Variants in TSHZ2 observed in about 807,000 individuals in gnomAD.
TSHZ2 encodes teashirt homolog 2.
Under a neutral mutation model 74.4 loss-of-function variants are expected in TSHZ2, and 21 were observed. The ratio of observed to expected loss-of-function variants is 0.28; its 90% CI spans 0.20 to 0.41. The LOEUF (loss-of-function observed/expected upper bound fraction) is 0.41, where lower values mean the gene tolerates loss of function less well. Among genes scored for constraint, TSHZ2 ranks in the 10% least tolerant of loss-of-function variants. The pLI, the probability that TSHZ2 is intolerant of heterozygous loss-of-function variation, is 1.00. For missense variants in TSHZ2, 1,244 were observed against 1,293.5 expected (o/e 0.96, Z 0.59); for synonymous variants, 540 against 515.3 (o/e 1.05, Z -0.65).
chr20:53,237,572 C>G (rs560195750), intron 1 of TSHZ2, among the ~76,000 whole-genome samples: 1 of 151,746 alleles, frequency 6.6e-6, no homozygotes, highest in East Asian at 1.9e-4. Context: ...AAAATATAGA[C>G]AAAAAAAGAT....
chr20:53,270,881 G>C (rs562802627), intron 2 of TSHZ2, among the ~76,000 whole-genome samples: 8 of 152,112 alleles, frequency 5.3e-5, no homozygotes, highest in Non-Finnish European at 1.0e-4. Flanking sequence ...TTGTTCACCA[G>C]AGGATTTTGT....
At chr20:53,059,869 G>A (rs990960720) in intron 1 of TSHZ2, among the ~76,000 whole-genome samples, 5 of 152,134 alleles carry the variant, frequency 3.3e-5, no homozygotes, top group Admixed American at 6.5e-5. Context: ...ATACCCAGTC[G>A]TTCAAAATTT....
intron 1 of TSHZ2, among the ~76,000 whole-genome samples, chr20:53,079,410 T>C (rs961127056): frequency 1.3e-5 from 2 of 152,250 alleles, no homozygotes; most frequent in African/African-American, 2.4e-5. Context: ...GACAGTGACA[T>C]GTTCACACTG....
chr20:53,226,105 C>T (rs1989678139), intron 1 of TSHZ2, among the ~76,000 whole-genome samples: 1 of 148,836 alleles, frequency 6.7e-6, no homozygotes, highest in Non-Finnish European at 1.5e-5. Flanking sequence ...GAAGATGGCT[C>T]ACAGACTAAA....
intron 1 of TSHZ2, among the ~76,000 whole-genome samples, chr20:53,197,383 A>G (rs1275352735): frequency 6.6e-6 from 1 of 152,184 alleles, no homozygotes. Context: ...CGTGCAAAGG[A>G]GAAGACTTTT....
intron 2 of TSHZ2, among the ~76,000 whole-genome samples, chr20:53,351,642 G>A (rs955495435): frequency 3.3e-5 from 5 of 152,146 alleles, no homozygotes; most frequent in Admixed American, 6.5e-5. Flanking sequence ...ACTAACCTAG[G>A]TACAGCTTGT....
rs1206858045 is a variant in TSHZ2 at position 53,074,213 on chromosome 20, A to G, written c.40+100880A>G. On this transcript the variant is annotated intron_variant, in intron 1 of 2. Transcript: ENST00000371497. This position sits in a 1 kb window ranked among gnomAD's most constrained non-coding sequence, Gnocchi z 5.9. The stretch of plus-strand genomic sequence containing the variant: ...GACCACTCCCTTGTGAAGTTAGAGG[A>G]TTCTTCCTTTGAGTAAGAAGTTAAA... Among the ~76,000 whole-genome samples, 1 of 152,224 alleles carries G rather than the reference A, an allele frequency of 6.6e-6. No individual in the cohort carries two copies. The highest frequency in any genetic ancestry group is 2.4e-5 in the African/African-American group (1 of 41,460).
chr20:53,092,708 A>G (rs1157670889), intron 1 of TSHZ2, among the ~76,000 whole-genome samples: 1 of 152,242 alleles, frequency 6.6e-6, no homozygotes, highest in East Asian at 1.9e-4. Flanking sequence ...GAAAGGATCT[A>G]AGAAGCAGTT....
At chr20:53,370,865 C>A (rs1359947304) in intron 2 of TSHZ2, among the ~76,000 whole-genome samples, 1 of 152,188 alleles carries the variant, frequency 6.6e-6, no homozygotes, top group Non-Finnish European at 1.5e-5. Flanking sequence ...TAACAAATTA[C>A]TACAAACTCA....
chr20:53,169,847 A>G (rs997087305), intron 1 of TSHZ2, among the ~76,000 whole-genome samples: 7 of 152,242 alleles, frequency 4.6e-5, no homozygotes, highest in African/African-American at 7.2e-5. Context: ...TGTATATTAT[A>G]CTTATGTAAA....
At chr20:53,129,567 A>G (rs1181826577) in intron 1 of TSHZ2, among the ~76,000 whole-genome samples, 2 of 152,188 alleles carry the variant, frequency 1.3e-5, no homozygotes, top group Non-Finnish European at 2.9e-5. Flanking sequence ...GTTGGATAAT[A>G]TTGTTATTAC....
At chr20:53,337,168 G>T (rs6097367) in intron 2 of TSHZ2, among the ~76,000 whole-genome samples, 3 of 152,182 alleles carry the variant, frequency 2.0e-5, no homozygotes, top group Non-Finnish European at 4.4e-5. Context: ...GTCTTCCTCA[G>T]GAAAAGCTCC....
chr20:53,241,169 C>T lies in TSHZ2; in HGVS notation c.41-12330C>T, dbSNP rs551154081. Among the ~76,000 whole-genome samples the T allele has an allele frequency of 3.3e-5, 5 of 152,242 alleles. No homozygotes were observed. The South Asian group carries it at 1.0e-3, about 32-fold the overall frequency. On this transcript the variant is annotated intron_variant, in intron 1 of 2. Coordinates refer to ENST00000371497, the MANE Select transcript of TSHZ2 (RefSeq NM_173485.6). ...CTAGCCCTAACCTAAGTCGAAGGGT[C>T]AAAAAACCCTGGAGAGTTTTCCATT...
intron 1 of TSHZ2, among the ~76,000 whole-genome samples, chr20:53,159,696 A>C (rs1987882288): frequency 6.6e-6 from 1 of 151,702 alleles, no homozygotes; most frequent in Non-Finnish European, 1.5e-5. Context: ...AAAGTCAATA[A>C]GTTTTCTATT....
chr20:53,261,151 A>G (rs1484737885), intron 2 of TSHZ2, among the ~76,000 whole-genome samples: 3 of 152,122 alleles, frequency 2.0e-5, no homozygotes, highest in African/African-American at 4.8e-5. Flanking sequence ...GATGGTTTCT[A>G]GGTAATACTC....
chr20:53,466,996 C>A (rs1303809807), intron 2 of TSHZ2, among the ~76,000 whole-genome samples: 1 of 152,238 alleles, frequency 6.6e-6, no homozygotes, highest in East Asian at 1.9e-4. Context: ...GGCTCTCCCA[C>A]TTGCTAACTA....
chr20:53,375,637 T>C (rs1214009300), intron 2 of TSHZ2, among the ~76,000 whole-genome samples: 1 of 152,132 alleles, frequency 6.6e-6, no homozygotes, highest in Non-Finnish European at 1.5e-5. Context: ...GGCTGCTGCT[T>C]TTCCCATCTC....
At chr20:53,116,862 C>T (rs1054140686) in intron 1 of TSHZ2, among the ~76,000 whole-genome samples, 14 of 152,068 alleles carry the variant, frequency 9.2e-5, no homozygotes, top group East Asian at 5.8e-4. Context: ...GCAAGAACCA[C>T]GGGCTATGTG....
At chr20:53,448,230 CT>C (rs1339601160) in intron 2 of TSHZ2, among the ~76,000 whole-genome samples, 1 of 152,142 alleles carries the variant, frequency 6.6e-6, no homozygotes, top group Non-Finnish European at 1.5e-5. Context: ...TGAAATCCAT[CT>C]CCCTGATTGA....
Sources: allele counts gnomAD v4.1 joint callset (sites outside exome capture counted in the v4.1 genomes callset), GRCh38; gene constraint gnomAD v4.1.1; non-coding constraint Gnocchi (gnomAD v3.1); transcripts MANE v1.5; gene names NCBI Gene and HGNC (gene_info 2026-07-23, HGNC 2026-07-21).